Variants in OSCP1 observed in about 807,000 individuals in gnomAD.
The protein encoded by OSCP1 is organic solute carrier partner 1.
Under a neutral mutation model 45.1 loss-of-function variants are expected in OSCP1, and 35 were observed. That is an observed-to-expected ratio of 0.78 (90% confidence interval 0.59 to 1.03). The LOEUF is 1.03. Ranked by LOEUF, OSCP1 falls within the 50% of genes least tolerant of loss-of-function variation. OSCP1 has a pLI of 0.00. For missense variants in OSCP1, 400 were observed against 470.7 expected (o/e 0.85, Z 1.39); for synonymous variants, 179 against 180.1 (o/e 0.99, Z 0.05).
intron 8 of OSCP1, among the ~76,000 whole-genome samples, chr1:36,420,178 A>C: frequency 7.2e-6 from 1 of 138,928 alleles, no homozygotes; most frequent in African/African-American, 2.9e-5. Context: ...GGGTTTCACC[A>C]TGTTAGCCAG....
At position 36,420,459 on chromosome 1, in the gene OSCP1, A is replaced by G. The variant is rs757429248; in HGVS notation, c.959+17T>C. 2.5e-6 allele frequency: 4 copies of G among 1,605,370 alleles called. No homozygotes were observed. The highest frequency in any genetic ancestry group is 3.4e-6 in the Non-Finnish European group (4 of 1,176,250). On this transcript the variant is annotated intron_variant, in intron 8 of 9. Transcript: ENST00000235532. Reference sequence around the variant, plus strand: ...GGGATTTTTATATGTCTTTAACGAAACAGGTTTAAAACATACTCCTCTTCT... The same window carrying G: ...GGGATTTTTATATGTCTTTAACGAAGCAGGTTTAAAACATACTCCTCTTCT...
At chr1:36,448,506 A>G (rs1649672489) in intron 1 of OSCP1, among the ~76,000 whole-genome samples, 1 of 152,232 alleles carries the variant, frequency 6.6e-6, no homozygotes, top group African/African-American at 2.4e-5. Context: ...TAAGACAATC[A>G]AGCGGGAGAT....
At chr1:36,420,763 C>T (rs2275478) in intron 7 of OSCP1, 148 bp from the exon 8 acceptor site, 3 of 1,119,420 alleles carry the variant, frequency 2.7e-6, no homozygotes, top group South Asian at 1.7e-5. Flanking sequence ...TAGAAAGCAG[C>T]CTTAACCAAA....
At chr1:36,444,734 G>A (rs2124027608) in intron 1 of OSCP1, among the ~76,000 whole-genome samples, 1 of 152,308 alleles carries the variant, frequency 6.6e-6, no homozygotes, top group East Asian at 1.9e-4. Context: ...AGAGAAATCG[G>A]TGAGAATCAA....
In OSCP1 at chr1:36,450,317, A is replaced by G. The variant is rs1649825411; in HGVS notation, c.53T>C (p.Leu18Pro). The G allele has an allele frequency of 1.9e-6, 3 of 1,613,660 alleles. No homozygotes were observed. The highest frequency in any genetic ancestry group is 2.5e-6 in the Non-Finnish European group (3 of 1,179,922). The change falls in exon 1 of 10, where the codon CTT becomes CCT. Residue 18 changes from leucine to proline, a missense_variant. Transcript: ENST00000235532. Reference protein sequence around the residue: ...LLFLNLGGEMLYILDQRLRAQ... With the variant: ...LLFLNLGGEMPYILDQRLRAQ... ...CCGCAGCCGTTGGTCGAGGATGTAA[A>G]GCATCTCCCCGCCCAAGTTCAAGAA...
In OSCP1 at chr1:36,450,382, G is replaced by C. The variant is rs911181512; in HGVS notation, c.-13C>G. On this transcript the variant is annotated 5_prime_UTR_variant, in exon 1 of 10. Coordinates refer to ENST00000235532, the MANE Select transcript of OSCP1 (RefSeq NM_145047.5). ...TCCGCACCGACATGGTGCTGGAAAC[G>C]AGCTGGACTGGTGAAGAGCCCCGGG... The C allele has an allele frequency of 2.5e-6, 4 of 1,609,222 alleles. No homozygotes were observed. The highest frequency in any genetic ancestry group is 2.7e-5 in the African/African-American group (2 of 74,824).
intron 1 of OSCP1, among the ~76,000 whole-genome samples, chr1:36,446,337 T>G (rs1469169074): frequency 6.6e-6 from 1 of 152,184 alleles, no homozygotes; most frequent in Non-Finnish European, 1.5e-5. Context: ...CAGCATTTAT[T>G]TAACTGGTGG....
chr1:36,422,075 T>G, intron 7 of OSCP1, 75 bp downstream of exon 7: 1 of 1,415,538 alleles, frequency 7.1e-7, no homozygotes, highest in African/African-American at 1.4e-5. Context: ...ATCTAAAGCG[T>G]TCTCACCTCT....
At position 36,443,992 on chromosome 1, in the gene OSCP1, G is replaced by A. The variant is rs1029438203; in HGVS notation, c.113-5082C>T. 3 of 1,612,720 alleles carry A rather than the reference G, an allele frequency of 1.9e-6. No individual in the cohort carries two copies. In the African/African-American group the frequency reaches 4.0e-5, roughly 22 times the overall value. On this transcript the variant is annotated intron_variant, in intron 1 of 9. Transcript: ENST00000235532. Reference sequence around the variant, plus strand: ...ATGCACACTGAACACATGCAGCCCGGAGATAGCATACCTCGTTTTCTGTCC... The same window carrying A: ...ATGCACACTGAACACATGCAGCCCGAAGATAGCATACCTCGTTTTCTGTCC...
chr1:36,432,254 C>T (rs978804800), intron 3 of OSCP1, among the ~76,000 whole-genome samples, 168 bp downstream of exon 3: 2 of 152,138 alleles, frequency 1.3e-5, no homozygotes, highest in East Asian at 3.9e-4. Context: ...ATGATGATGC[C>T]TGTTACATTA....
chr1:36,420,698 A>G, intron 7 of OSCP1, 83 bp from the exon 8 acceptor site: 1 of 1,526,290 alleles, frequency 6.6e-7, no homozygotes, highest in Non-Finnish European at 8.9e-7. Context: ...GGTAGGTATT[A>G]TAAAATAAGG....
At chr1:36,428,382 T>G (rs1326976979) in intron 4 of OSCP1, 1 of 1,614,138 alleles carries the variant, frequency 6.2e-7, no homozygotes, top group Admixed American at 1.7e-5. Flanking sequence ...AAAGTCAGTC[T>G]CCTTCTCCTG....
intron 1 of OSCP1, among the ~76,000 whole-genome samples, chr1:36,441,467 G>A (rs1335584926): frequency 6.6e-6 from 1 of 152,068 alleles, no homozygotes; most frequent in Non-Finnish European, 1.5e-5. Context: ...TTTAATTAGC[G>A]TACGGGCGCG....
intron 4 of OSCP1, among the ~76,000 whole-genome samples, chr1:36,423,834 A>G (rs886537325): frequency 1.4e-4 from 21 of 152,268 alleles, no homozygotes; most frequent in African/African-American, 5.1e-4. Context: ...AGATCGTGCC[A>G]TTGCACTCCA....
intron 4 of OSCP1, chr1:36,428,308 C>G: frequency 1.9e-6 from 3 of 1,609,674 alleles, no homozygotes; most frequent in Non-Finnish European, 2.5e-6. Context: ...ATTTCTTCCC[C>G]TTTTTAAAAT....
rs147516391 is a variant in OSCP1, at chr1:36,443,619, C to T, written c.113-4709G>A. 1.5e-3 allele frequency among the ~76,000 whole-genome samples: 222 copies of T among 152,272 alleles called. 1 individual carries two copies. The highest frequency in any genetic ancestry group is 4.9e-3 in the African/African-American group (202 of 41,556). On this transcript the variant is annotated intron_variant, in intron 1 of 9. Coordinates refer to ENST00000235532, the MANE Select transcript of OSCP1 (RefSeq NM_145047.5). ...TAGGAGAATGGCTCAGGGAGGGTCA[C>T]TCATGTTGAAGCACAATTCTTTGGT...
intron 4 of OSCP1, chr1:36,428,504 G>A (rs1157092142): frequency 6.3e-7 from 1 of 1,591,490 alleles, no homozygotes; most frequent in Non-Finnish European, 8.5e-7. Flanking sequence ...ATACATATAT[G>A]TTACATATGC....
chr1:36,428,413 T>G, intron 4 of OSCP1: 1 of 1,614,128 alleles, frequency 6.2e-7, no homozygotes. Flanking sequence ...AGTTCCCCAC[T>G]CCTGGAAGGC....
Position 36,450,306 on chromosome 1 carries a change from C to A in OSCP1, c.64G>T (p.Asp22Tyr). Residue 22 changes from aspartate (D) to tyrosine (Y), a missense_variant, in exon 1 of 10, where the codon GAC becomes TAC. By Grantham distance (160) the Asp-to-Tyr change is radical (BLOSUM62 -3). Coordinates refer to ENST00000235532, the MANE Select transcript of OSCP1 (RefSeq NM_145047.5). ...ATGTTCTGGGCCCGCAGCCGTTGGT[C>A]GAGGATGTAAAGCATCTCCCCGCCC... is the stretch of plus-strand genomic sequence containing the variant. ...NLGGEMLYIL[D>Y]QRLRAQNIPG... The A allele has an allele frequency of 2.5e-6, 4 of 1,613,564 alleles. No homozygotes were observed. In the South Asian group the frequency reaches 4.4e-5, roughly 18 times the overall value.
Sources: gnomAD v4.1 joint callset for allele counts (sites outside exome capture counted in the v4.1 genomes callset) on GRCh38, gnomAD v4.1.1 for gene constraint, MANE v1.5 for transcripts, NCBI Gene and HGNC (gene_info 2026-07-23, HGNC 2026-07-21) for gene names.